CLTC: variants seen among roughly 807,000 people sequenced by gnomAD.
CLTC encodes clathrin heavy chain 1.
CLTC carries 16 observed loss-of-function variants against 195.8 expected under a neutral mutation model. The ratio of observed to expected loss-of-function variants is 0.08; its 90% CI spans 0.06 to 0.12. The LOEUF (loss-of-function observed/expected upper bound fraction) is 0.12. Ranked by LOEUF, CLTC falls within the 10% of genes least tolerant of loss-of-function variation. CLTC has a pLI of 1.00. For missense variants in CLTC, 796 were observed against 2,027.0 expected, an observed-to-expected ratio of 0.39 and a Z score of 11.66; for synonymous variants, 667 against 689.4, an observed-to-expected ratio of 0.97 and a Z score of 0.51.
intron 2 of CLTC, among the ~76,000 whole-genome samples, chr17:59,646,779 T>C (rs1345467260): frequency 6.6e-6 from 1 of 152,214 alleles, no homozygotes; most frequent in Non-Finnish European, 1.5e-5. Context: ...TAACAGCATC[T>C]GAAACTATCC....
chr17:59,647,336 G>T, intron 2 of CLTC, 62 bp from the exon 3 acceptor site: 1 of 1,312,656 alleles, frequency 7.6e-7, no homozygotes. Flanking sequence ...AGCTAGTCTA[G>T]GTAGGTATTC....
At chr17:59,631,821 T>C (rs1291707790) in intron 1 of CLTC, among the ~76,000 whole-genome samples, 2 of 151,988 alleles carry the variant, frequency 1.3e-5, no homozygotes, top group African/African-American at 2.4e-5. Context: ...AAATAAAAAA[T>C]TAGCCAGGTG....
chr17:59,688,666 A>G (rs928237172), intron 30 of CLTC, among the ~76,000 whole-genome samples: 4 of 152,094 alleles, frequency 2.6e-5, no homozygotes, highest in African/African-American at 7.2e-5. Context: ...CAAACTTCCT[A>G]TGTGTATGCC....
chr17:59,624,538 G>A (rs369576870), intron 1 of CLTC, among the ~76,000 whole-genome samples: 2 of 141,732 alleles, frequency 1.4e-5, no homozygotes, highest in African/African-American at 5.4e-5. Context: ...GTGCGATCTC[G>A]GCTCACAGCA....
Position 59,648,251 on chromosome 17 carries a change from G to A in CLTC, c.531G>A (p.Val177=), listed in dbSNP as rs1415426517. Residue 177 remains valine (V), a synonymous_variant, in exon 4 of 32, where the codon GTG becomes GTA. Coordinates refer to ENST00000269122, the MANE Select transcript of CLTC (RefSeq NM_004859.4). The surrounding 1 kb of genome is among the most constrained non-coding windows in gnomAD (Gnocchi z 4.5). ...TTGATCCTTTATAGCAAAATCGTGT[G>A]GTGGGAGCTATGCAGCTATATTCTG... ...LTGISAQQNR[V]VGAMQLYSVD... is the part of the protein sequence containing the mutation. 1 of 1,612,158 alleles carries A rather than the reference G, an allele frequency of 6.2e-7. No individual in the cohort carries two copies. The highest frequency in any genetic ancestry group is 2.2e-5 in the East Asian group (1 of 44,874).
intron 2 of CLTC, among the ~76,000 whole-genome samples, chr17:59,645,053 TA>T (rs2032154307): frequency 6.6e-6 from 1 of 152,252 alleles, no homozygotes; most frequent in South Asian, 2.1e-4. Context: ...TAAATGCATT[TA>T]AATTTTGTAT....
At chr17:59,625,383 C>CTGCCT (rs2031518623) in intron 1 of CLTC, among the ~76,000 whole-genome samples, 1 of 152,040 alleles carries the variant, frequency 6.6e-6, no homozygotes, top group Non-Finnish European at 1.5e-5. Context: ...CCTCGGCCTC[C>CTGCCT]CGAAGTGTTA....
intron 1 of CLTC, among the ~76,000 whole-genome samples, chr17:59,640,399 GTTC>G (rs1310867078): frequency 6.7e-6 from 1 of 149,156 alleles, no homozygotes; most frequent in African/African-American, 2.5e-5. Context: ...GTCACTTGAA[GTTC>G]TTTTTTTTTT....
At chr17:59,626,985 C>G (rs2031571792) in intron 1 of CLTC, among the ~76,000 whole-genome samples, 1 of 152,116 alleles carries the variant, frequency 6.6e-6, no homozygotes, top group African/African-American at 2.4e-5. Context: ...GCAGCCTTGA[C>G]CTCCCTGGGC....
intron 1 of CLTC, among the ~76,000 whole-genome samples, chr17:59,644,024 G>C (rs972390787): frequency 6.6e-6 from 1 of 152,212 alleles, no homozygotes; most frequent in Non-Finnish European, 1.5e-5. Flanking sequence ...CTACCTTGCA[G>C]ATGTTGCTCT....
At chr17:59,626,279 G>C (rs1489195360) in intron 1 of CLTC, among the ~76,000 whole-genome samples, 2 of 152,144 alleles carry the variant, frequency 1.3e-5, no homozygotes, top group African/African-American at 4.8e-5. Flanking sequence ...TCGAACATTT[G>C]ATATTGTGCA....
Position 59,661,430 on chromosome 17 carries a change from C to T in CLTC, c.1168-13C>T, listed in dbSNP as rs375974038. ...CACTTTCGAAGAGCGTTTAACATTT[C>T]TCCTTCTTAAAGGGAATTCTTCGTA... On this transcript the variant is annotated splice_polypyrimidine_tract_variant and intron_variant, in intron 7 of 31. Coordinates refer to ENST00000269122, the MANE Select transcript of CLTC (RefSeq NM_004859.4). 5.2e-5 allele frequency: 84 copies of T among 1,609,060 alleles called. No homozygotes were observed. The highest frequency in any genetic ancestry group is 1.6e-4 in the Middle Eastern group (1 of 6,078).
chr17:59,674,487 C>T (rs2032922314), intron 15 of CLTC: 3 of 510,904 alleles, frequency 5.9e-6, no homozygotes, highest in Non-Finnish European at 1.0e-5. Context: ...GCTTTCAATA[C>T]TTATTAAACC....
At position 59,666,370 on chromosome 17, in the gene CLTC, T is replaced by C; in HGVS notation, c.1783-110T>C. 6.7e-7 allele frequency: 1 copy of C among 1,485,520 alleles called. No individual in the cohort carries two copies. Among genetic ancestry groups the C allele is most frequent in the Admixed American group, 2.0e-5 (1 of 49,152 alleles). The allele number at this position is 1,485,520 out of a possible 1,614,324, so 92.0% of individuals were successfully genotyped here. On this transcript the variant is annotated intron_variant, in intron 11 of 31. Coordinates refer to ENST00000269122, the MANE Select transcript of CLTC (RefSeq NM_004859.4). This position sits in a 1 kb window ranked among gnomAD's most constrained non-coding sequence, Gnocchi z 4.9. ...TAAAGAAAATGTAGCTATTATAATA[T>C]TCTTTTGTACTTTAACAGTTCACTA... is the stretch of plus-strand genomic sequence containing the variant.
At chr17:59,659,386 C>G (rs780578626) in intron 6 of CLTC, among the ~76,000 whole-genome samples, 2 of 151,718 alleles carry the variant, frequency 1.3e-5, no homozygotes, top group Non-Finnish European at 2.9e-5. Context: ...ATTTTCCAAA[C>G]AAGCAATTAG....
chr17:59,684,801 C>T (rs8079440), intron 28 of CLTC, among the ~76,000 whole-genome samples: 85,575 of 131,012 alleles, frequency 0.65, 27,965 homozygotes, highest in Non-Finnish European at 0.76. Flanking sequence ...AGGGAGACTC[C>T]ATCTCAAAAA....
intron 1 of CLTC, among the ~76,000 whole-genome samples, chr17:59,636,467 T>G (rs2031863126): frequency 6.6e-6 from 1 of 152,152 alleles, no homozygotes. Flanking sequence ...TATTTTTTAT[T>G]TTTTTGGAGA....
chr17:59,631,234 C>G (rs1232530112), intron 1 of CLTC, among the ~76,000 whole-genome samples: 2 of 152,088 alleles, frequency 1.3e-5, no homozygotes, highest in Admixed American at 6.6e-5. Flanking sequence ...CTGCATATAC[C>G]CCTACATGTA....
intron 8 of CLTC, among the ~76,000 whole-genome samples, chr17:59,662,414 T>C (rs1377134146): frequency 6.6e-6 from 1 of 152,162 alleles, no homozygotes; most frequent in Non-Finnish European, 1.5e-5. Context: ...AGCCAAAGGA[T>C]GTTGTTTGTT....
Sources: gnomAD v4.1 joint callset for allele counts (sites outside exome capture counted in the v4.1 genomes callset) on GRCh38, gnomAD v4.1.1 for gene constraint, Gnocchi (gnomAD v3.1) non-coding constraint, MANE v1.5 for transcripts, NCBI Gene and HGNC (gene_info 2026-07-23, HGNC 2026-07-21) for gene names.